Variants in GTF3C1 observed in about 807,000 individuals in gnomAD.
GTF3C1 encodes general transcription factor IIIC subunit 1.
Under a neutral mutation model 226.7 loss-of-function variants are expected in GTF3C1, and 57 were observed. That is an observed-to-expected ratio of 0.25 (90% confidence interval 0.20 to 0.31). The LOEUF is 0.31. Among genes scored for constraint, GTF3C1 ranks in the 10% least tolerant of loss-of-function variants. GTF3C1 has a pLI of 1.00. For synonymous variants in GTF3C1, 1,090 were observed against 1,084.8 expected (o/e 1.00, Z -0.09); for missense variants, 2,217 against 2,776.1 (o/e 0.80, Z 4.53).
chr16:27,463,510 C>G lies in GTF3C1; in HGVS notation c.5924+31G>C, dbSNP rs562466482. On this transcript the variant is annotated intron_variant, in intron 35 of 36. Transcript: ENST00000356183. The surrounding 1 kb of genome is among the most constrained non-coding windows in gnomAD (Gnocchi z 4.9). Reference sequence around the variant, plus strand: ...CTCGGTCCCTGTCAAGAGCCCCGCCCCAGGCCCCGGAGCCAGAACCCCACA... The same window carrying G: ...CTCGGTCCCTGTCAAGAGCCCCGCCGCAGGCCCCGGAGCCAGAACCCCACA... 1 of 1,373,764 alleles carries G rather than the reference C, an allele frequency of 7.3e-7. No homozygotes were observed. Among genetic ancestry groups the G allele is most frequent in the African/African-American group, 1.4e-5 (1 of 70,350 alleles). The allele number at this position is 1,373,764 out of a possible 1,614,324, so 85.1% of individuals were successfully genotyped here. A position where few individuals can be genotyped will look rare whatever the true frequency, so the allele number is the denominator to read the frequency against.
rs1023602064 is a variant in GTF3C1 at position 27,463,816 on chromosome 16, C to T, written c.5873-224G>A. 5.3e-6 allele frequency: 3 copies of T among 562,260 alleles called. No individual in the cohort carries two copies. The highest frequency in any genetic ancestry group is 1.9e-5 in the African/African-American group (1 of 52,008). The allele number at this position is 562,260 out of a possible 1,614,324, so 34.8% of individuals were successfully genotyped here. On this transcript the variant is annotated intron_variant, in intron 34 of 36. Transcript: ENST00000356183. This position sits in a 1 kb window ranked among gnomAD's most constrained non-coding sequence, Gnocchi z 4.9. ...CGCCACATGCAAGCAGCGTCCCAGG[C>T]CCGGACAAGCCCCACATTGCAGGAA...
At position 27,484,345 on chromosome 16, in the gene GTF3C1, G is replaced by A. The variant is rs376976888; in HGVS notation, c.3867C>T (p.Gly1289=). Residue 1289 remains glycine (G), a synonymous_variant, in exon 25 of 37, where the codon GGC becomes GGT. Coordinates refer to ENST00000356183, the MANE Select transcript of GTF3C1 (RefSeq NM_001520.4). Reference sequence around the variant, plus strand: ...GTACCACCTGCCAGGTGACAAATGGGCCCTTCACCTGGATCAAACACAGAG... The same window carrying A: ...GTACCACCTGCCAGGTGACAAATGGACCCTTCACCTGGATCAAACACAGAG... ...ASNVLNTKVK[G]PFVTWQVVRD... is the part of the protein sequence containing the mutation. 64 of 1,607,280 alleles carry A rather than the reference G, an allele frequency of 4.0e-5. No individual in the cohort carries two copies. The highest frequency in any genetic ancestry group is 5.1e-5 in the Non-Finnish European group (60 of 1,173,914).
chr16:27,494,061 A>G (rs992312261), intron 16 of GTF3C1, among the ~76,000 whole-genome samples: 2 of 152,150 alleles, frequency 1.3e-5, no homozygotes, highest in African/African-American at 4.8e-5. Context: ...TGATACAGTT[A>G]TGGGTAATTT....
In GTF3C1 at chr16:27,504,518, G is replaced by C. The variant is rs60447268; in HGVS notation, c.1770+1381C>G. On this transcript the variant is annotated intron_variant, in intron 10 of 36. Coordinates refer to ENST00000356183, the MANE Select transcript of GTF3C1 (RefSeq NM_001520.4). ...AGGAACACTTCCAAAGCACAAAAAG[G>C]GAGAAGCGGCGTAGGGTAGGGACTG... Among the ~76,000 whole-genome samples, 381 of 152,354 alleles carry C rather than the reference G, an allele frequency of 2.5e-3. 2 individuals carry two copies. Among genetic ancestry groups the C allele is most frequent in the African/African-American group, 8.7e-3 (362 of 41,580 alleles).
At chr16:27,480,337 T>C (rs1230002471) in intron 27 of GTF3C1, among the ~76,000 whole-genome samples, 1 of 152,116 alleles carries the variant, frequency 6.6e-6, no homozygotes, top group Admixed American at 6.5e-5. Flanking sequence ...AACAGTCTAC[T>C]GCAAACCAGA....
At chr16:27,478,674 C>A in intron 27 of GTF3C1, 143 bp from the exon 28 acceptor site, 1 of 705,168 alleles carries the variant, frequency 1.4e-6, no homozygotes, top group Non-Finnish European at 2.6e-6. Context: ...GAGTGCTGTG[C>A]ATGTAAATTA....
At chr16:27,534,558 C>G (rs2088971455) in intron 4 of GTF3C1, among the ~76,000 whole-genome samples, 1 of 152,214 alleles carries the variant, frequency 6.6e-6, no homozygotes, top group Admixed American at 6.5e-5. Flanking sequence ...ATACAAGAGG[C>G]AACGGTGGTT....
chr16:27,534,493 A>C (rs769708094), intron 4 of GTF3C1, among the ~76,000 whole-genome samples: 1 of 152,236 alleles, frequency 6.6e-6, no homozygotes, highest in Admixed American at 6.5e-5. Context: ...GGAGGGACAG[A>C]CAGTTAATGC....
At chr16:27,500,807 C>T (rs916216747) in intron 12 of GTF3C1, among the ~76,000 whole-genome samples, 1 of 152,272 alleles carries the variant, frequency 6.6e-6, no homozygotes, top group Admixed American at 6.5e-5. Context: ...AATGCCATTG[C>T]TTCCTCTGGG....
Position 27,464,395 on chromosome 16 carries a change from C to T in GTF3C1, c.5797G>A (p.Gly1933Ser), listed in dbSNP as rs771065617. Residue 1933 changes from glycine (G) to serine (S), a missense_variant, in exon 34 of 37, where the codon GGT (glycine) becomes AGT (serine). Physicochemically the swap from Gly to Ser is moderately conservative, Grantham distance 56. Around this residue, in one of 12 missense-constraint regions of GTF3C1, gnomAD observed 455 missense variants for 441.9 expected, o/e 1.03. Coordinates refer to ENST00000356183, the MANE Select transcript of GTF3C1 (RefSeq NM_001520.4). ...TCTTGGCCTGGGGAACTGAACTCAC[C>T]GACACCCTCTTGGTCTTCCTGTGCT... The part of the protein sequence containing the change: ...GAAQEDQEGV[G>S]EFSSPGQEQL... The T allele has an allele frequency of 3.8e-6, 6 of 1,597,688 alleles. No homozygotes were observed. Among genetic ancestry groups the T allele is most frequent in the Admixed American group, 1.8e-5 (1 of 57,104 alleles).
At chr16:27,518,665 A>G (rs993964787) in intron 6 of GTF3C1, among the ~76,000 whole-genome samples, 1 of 152,148 alleles carries the variant, frequency 6.6e-6, no homozygotes, top group Non-Finnish European at 1.5e-5. Context: ...GGCCCAGAAC[A>G]TGTACAGATG....
chr16:27,492,416 G>A lies in GTF3C1; in HGVS notation c.3073C>T (p.Leu1025Phe). 6.2e-7 allele frequency: 1 copy of A among 1,611,628 alleles called. No individual in the cohort carries two copies. The highest frequency in any genetic ancestry group is 8.5e-7 in the Non-Finnish European group (1 of 1,177,934). The change falls in exon 19 of 37, where the codon CTC (leucine) becomes TTC (phenylalanine). Residue 1025 changes from leucine (L) to phenylalanine (F), a missense_variant. Coordinates refer to ENST00000356183, the MANE Select transcript of GTF3C1 (RefSeq NM_001520.4). The surrounding 1 kb of genome is among the most constrained non-coding windows in gnomAD (Gnocchi z 5.0). ...TCCTGCATTGAGTTCAGGACATAGA[G>A]GCGCCTCTCGAAGGGCCGGCTGCTG... ...ARSSRPFERRLYVLNSMQDVE... is the reference protein window; with the variant it reads ...ARSSRPFERRFYVLNSMQDVE...
At chr16:27,525,083 AG>A (rs2088809593) in intron 6 of GTF3C1, among the ~76,000 whole-genome samples, 1 of 152,156 alleles carries the variant, frequency 6.6e-6, no homozygotes, top group African/African-American at 2.4e-5. Context: ...CCCGGGAGGC[AG>A]AGGCTGCAGT....
chr16:27,475,585 G>A (rs2087939592), intron 29 of GTF3C1, among the ~76,000 whole-genome samples: 1 of 152,190 alleles, frequency 6.6e-6, no homozygotes, highest in Non-Finnish European at 1.5e-5. Flanking sequence ...GGTCTTGGGT[G>A]TGTGATTTAA....
At position 27,495,345 on chromosome 16, in the gene GTF3C1, T is replaced by A. The variant is rs1317642772; in HGVS notation, c.2498A>T (p.Lys833Met). The A allele has an allele frequency of 6.2e-7, 1 of 1,614,048 alleles. No homozygotes were observed. Among genetic ancestry groups the A allele is most frequent in the Admixed American group, 1.7e-5 (1 of 60,006 alleles). Residue 833 changes from lysine to methionine, a missense_variant, in exon 15 of 37, where the codon AAG (lysine) becomes ATG (methionine). By Grantham distance (95) the Lys-to-Met change is moderately conservative. Transcript: ENST00000356183. ...GACGCCTGCCCTGCCTGACTCCTGC[T>A]TTATCGTTCTCCGTTCACTGATGAA... ...PSFISERRTI[K>M]QESGRAGVRP...
At chr16:27,479,937 A>C (rs955199163) in intron 27 of GTF3C1, among the ~76,000 whole-genome samples, 1 of 152,166 alleles carries the variant, frequency 6.6e-6, no homozygotes, top group Non-Finnish European at 1.5e-5. Context: ...GCGGTGGCTC[A>C]TGCCTGTAAT....
chr16:27,502,182 C>T (rs1045103172), intron 11 of GTF3C1, among the ~76,000 whole-genome samples: 1 of 152,046 alleles, frequency 6.6e-6, no homozygotes, highest in African/African-American at 2.4e-5. Flanking sequence ...CAGAGGCGAA[C>T]AAGGTGACAG....
In GTF3C1 at chr16:27,489,590, A is replaced by T; in HGVS notation, c.3293+12T>A. On this transcript the variant is annotated intron_variant, in intron 20 of 36. Coordinates refer to ENST00000356183, the MANE Select transcript of GTF3C1 (RefSeq NM_001520.4). Reference sequence around the variant, plus strand: ...CCAGTCCTGGCCGGCCGCGCTTGGGACGGACACGCACGTGGTGTACTCCAG... The same window carrying T: ...CCAGTCCTGGCCGGCCGCGCTTGGGTCGGACACGCACGTGGTGTACTCCAG... 6.3e-7 allele frequency: 1 copy of T among 1,598,624 alleles called. No homozygotes were observed. The highest frequency in any genetic ancestry group is 8.5e-7 in the Non-Finnish European group (1 of 1,174,056).
chr16:27,484,090 C>T (rs1252764960), intron 25 of GTF3C1, 121 bp downstream of exon 25: 3 of 756,410 alleles, frequency 4.0e-6, no homozygotes, highest in African/African-American at 1.7e-5. Flanking sequence ...CCAGCAGACT[C>T]CAACACTTGG....
Sources: allele counts gnomAD v4.1 joint callset (sites outside exome capture counted in the v4.1 genomes callset), GRCh38; gene constraint gnomAD v4.1.1; regional missense constraint gnomAD v4.1.1; non-coding constraint Gnocchi (gnomAD v3.1); transcripts MANE v1.5; gene names NCBI Gene and HGNC (gene_info 2026-07-23, HGNC 2026-07-21).